SH2B3: variants seen among roughly 807,000 people sequenced by gnomAD.
SH2B3 encodes SH2B adaptor protein 3.
SH2B3 carries 43 observed loss-of-function variants against 51.9 expected under a neutral mutation model. The ratio of observed to expected loss-of-function variants is 0.83; its 90% CI spans 0.65 to 1.07. The LOEUF is 1.07. Ranked by LOEUF, SH2B3 falls within the 50% of genes least tolerant of loss-of-function variation. The probability of loss-of-function intolerance (pLI) is 0.00; values close to 1 mark genes in which losing one functional copy is unlikely to be tolerated. For synonymous variants in SH2B3, 396 were observed against 376.0 expected (o/e 1.05, Z -0.62); for missense variants, 952 against 834.3 (o/e 1.14, Z -1.74).
At chr12:111,442,431 G>T (rs907677398) in intron 2 of SH2B3, among the ~76,000 whole-genome samples, 1 of 152,212 alleles carries the variant, frequency 6.6e-6, no homozygotes, top group Non-Finnish European at 1.5e-5. Flanking sequence ...GGCGTGGCTG[G>T]TGCTGGAGGG....
chr12:111,449,148 TGGCAAGAACA>T lies in SH2B3; in HGVS notation c.*848_*857del, dbSNP rs1368781970. 2.0e-5 allele frequency: 3 copies of T among 152,586 alleles called. No homozygotes were observed. The highest frequency in any genetic ancestry group is 7.2e-5 in the African/African-American group (3 of 41,420). 9.5% of individuals were successfully genotyped at this position (152,586 alleles called of 1,614,324 possible). On this transcript the variant is annotated 3_prime_UTR_variant, in exon 8 of 8. Coordinates refer to ENST00000341259, the MANE Select transcript of SH2B3 (RefSeq NM_005475.3). ...TCAGGCAATTACTGAAATAGGAGGGTGGCAAGAACAGTTCTATCCTGGTGCCTTACGAATA... is the reference window on the plus strand; with the variant it reads ...TCAGGCAATTACTGAAATAGGAGGGTGTTCTATCCTGGTGCCTTACGAATA...
At chr12:111,440,063 C>T (rs1486368865) in intron 2 of SH2B3, among the ~76,000 whole-genome samples, 3 of 152,222 alleles carry the variant, frequency 2.0e-5, no homozygotes, top group African/African-American at 4.8e-5. Flanking sequence ...CTCTCTTGAC[C>T]TCCCTCAGAC....
At chr12:111,433,198 A>G (rs984647776) in intron 2 of SH2B3, among the ~76,000 whole-genome samples, 3 of 152,192 alleles carry the variant, frequency 2.0e-5, no homozygotes, top group African/African-American at 7.2e-5. Flanking sequence ...CTAAAAATCA[A>G]AAATTAGCTG....
At chr12:111,446,077 C>T (rs1873923398) in intron 2 of SH2B3, among the ~76,000 whole-genome samples, 1 of 152,240 alleles carries the variant, frequency 6.6e-6, no homozygotes, top group African/African-American at 2.4e-5. Context: ...ATCTCTTTCT[C>T]CCCTTTTCTT....
intron 2 of SH2B3, among the ~76,000 whole-genome samples, chr12:111,441,190 A>G (rs975748796): frequency 2.0e-5 from 3 of 152,038 alleles, no homozygotes; most frequent in African/African-American, 7.3e-5. Flanking sequence ...AGCCTGGACA[A>G]CATAGCGAGA....
At position 111,448,545 on chromosome 12, in the gene SH2B3, G is replaced by T; in HGVS notation, c.*243G>T. ...GATGTAGTTCTTGTTAGAGGATGCCGCTAGCTCCTGCCCGGGGTCCCTATG... is the reference window on the plus strand; with the variant it reads ...GATGTAGTTCTTGTTAGAGGATGCCTCTAGCTCCTGCCCGGGGTCCCTATG... On this transcript the variant is annotated 3_prime_UTR_variant, in exon 8 of 8. Coordinates refer to ENST00000341259, the MANE Select transcript of SH2B3 (RefSeq NM_005475.3). 2 of 510,502 alleles carry T rather than the reference G, an allele frequency of 3.9e-6. No homozygotes were observed. The highest frequency in any genetic ancestry group is 7.0e-6 in the Non-Finnish European group (2 of 287,492). The allele number at this position is 510,502 out of a possible 1,614,324, so 31.6% of individuals were successfully genotyped here.
In SH2B3 at chr12:111,409,228, C is replaced by A. The variant is rs1870484643; in HGVS notation, c.-28+2951C>A. 6.6e-6 allele frequency among the ~76,000 whole-genome samples: 1 copy of A among 152,178 alleles called. No homozygotes were observed. The highest frequency in any genetic ancestry group is 1.5e-5 in the Non-Finnish European group (1 of 68,042). ...GTGTGATCTTGGGCTGGTCCCTTAG[C>A]CTCTCTGAGCCACAGGTCTTTTTGT... On this transcript the variant is annotated intron_variant, in intron 1 of 7. Transcript: ENST00000341259. The surrounding 1 kb of genome is among the most constrained non-coding windows in gnomAD (Gnocchi z 4.0).
chr12:111,432,983 G>C (rs770621206), intron 2 of SH2B3, among the ~76,000 whole-genome samples: 4 of 152,242 alleles, frequency 2.6e-5, no homozygotes, highest in Non-Finnish European at 5.9e-5. Context: ...ACAAGTTTTT[G>C]TGTGGATCTG....
chr12:111,447,895 G>C, intron 7 of SH2B3, 68 bp downstream of exon 7: 2 of 1,566,806 alleles, frequency 1.3e-6, no homozygotes, highest in South Asian at 1.1e-5. Flanking sequence ...GCTTGCTGCA[G>C]ACCCAGGGGT....
chr12:111,432,425 T>G (rs570337633), intron 2 of SH2B3, among the ~76,000 whole-genome samples: 1 of 152,334 alleles, frequency 6.6e-6, no homozygotes, highest in African/African-American at 2.4e-5. Context: ...CTGATGATTT[T>G]CTTCTGCTCA....
At chr12:111,437,094 A>T (rs1455400308) in intron 2 of SH2B3, among the ~76,000 whole-genome samples, 1 of 152,108 alleles carries the variant, frequency 6.6e-6, no homozygotes, top group Non-Finnish European at 1.5e-5. Flanking sequence ...TCTGACTGGG[A>T]GAATTCCTCT....
At position 111,450,583 on chromosome 12, in the gene SH2B3, A is replaced by ATC. The variant is rs1874487527; in HGVS notation, c.*2286_*2287dup. Reference sequence around the variant, plus strand: ...ATTTCTTAGCAGCCTCTCTACATACATCTCTCAGGTGGTGCCAAGAGGCAC... The same window carrying ATC: ...ATTTCTTAGCAGCCTCTCTACATACATCTCTCTCAGGTGGTGCCAAGAGGCAC... On this transcript the variant is annotated 3_prime_UTR_variant, in exon 8 of 8. Transcript: ENST00000341259. 1 of 152,116 alleles carries ATC rather than the reference A, an allele frequency of 6.6e-6. No individual in the cohort carries two copies. Among genetic ancestry groups the ATC allele is most frequent in the Non-Finnish European group, 1.5e-5 (1 of 68,032 alleles). The allele number at this position is 152,116 out of a possible 1,614,324, so 9.4% of individuals were successfully genotyped here. A position where few individuals can be genotyped will look rare whatever the true frequency, so the allele number is the denominator to read the frequency against.
At position 111,410,652 on chromosome 12, in the gene SH2B3, C is replaced by A. The variant is rs1214096579; in HGVS notation, c.-28+4375C>A. On this transcript the variant is annotated intron_variant, in intron 1 of 7. Transcript: ENST00000341259. The surrounding 1 kb of genome is among the most constrained non-coding windows in gnomAD (Gnocchi z 4.9). Reference sequence around the variant, plus strand: ...TGGCCTGATAAATGTCCCCGGGGCACAAGGTGACCCCAGCAAGGGTGCATC... The same window carrying A: ...TGGCCTGATAAATGTCCCCGGGGCAAAAGGTGACCCCAGCAAGGGTGCATC... 2.0e-5 allele frequency among the ~76,000 whole-genome samples: 3 copies of A among 152,170 alleles called. No homozygotes were observed. Among genetic ancestry groups the A allele is most frequent in the Non-Finnish European group, 4.4e-5 (3 of 68,020 alleles).
chr12:111,447,606 T>G, intron 6 of SH2B3, 50 bp from the exon 7 acceptor site: 1 of 1,610,702 alleles, frequency 6.2e-7, no homozygotes, highest in Non-Finnish European at 8.5e-7. Flanking sequence ...TCCACTGGAG[T>G]TCAGGGTCCT....
In SH2B3 at chr12:111,429,015, CGAGGAGGAGGAGGAGGAG is replaced by C. The variant is rs142822757; in HGVS notation, c.732+10153_732+10170del. Among the ~76,000 whole-genome samples the C allele has an allele frequency of 8.7e-6, 1 of 114,904 alleles. No homozygotes were observed. The highest frequency in any genetic ancestry group is 1.8e-5 in the Non-Finnish European group (1 of 54,896). The allele number at this position is 114,904 out of a possible 152,430, so 75.4% of individuals were successfully genotyped here. A position where few individuals can be genotyped will look rare whatever the true frequency, so the allele number is the denominator to read the frequency against. On this transcript the variant is annotated intron_variant, in intron 2 of 7. Coordinates refer to ENST00000341259, the MANE Select transcript of SH2B3 (RefSeq NM_005475.3). This position sits in a 1 kb window ranked among gnomAD's most constrained non-coding sequence, Gnocchi z 4.4. ...GCGGTTTCCTCTCGGGGCAGGAGTG[CGAGGAGGAGGAGGAGGAG>C]GAGGAGGAGGAGGAAGAGGAGGAGG...
At chr12:111,417,492 T>TTTATTTATTTATTTATTTA (rs1593036008) in intron 1 of SH2B3, among the ~76,000 whole-genome samples, 4 of 88,854 alleles carry the variant, frequency 4.5e-5, no homozygotes, top group African/African-American at 2.1e-4. Flanking sequence ...TTATTTATTT[T>TTTATTTATTTATTTATTTA]TTGAGACAGA....
chr12:111,425,467 G>GGAAT (rs997492501), intron 2 of SH2B3, among the ~76,000 whole-genome samples: 1 of 152,232 alleles, frequency 6.6e-6, no homozygotes, highest in African/African-American at 2.4e-5. Flanking sequence ...CCCAGGCTGA[G>GGAAT]GAATGGCAGG....
rs1418814784 is a variant in SH2B3, at chr12:111,429,088, TC to T, written c.732+10212del. Among the ~76,000 whole-genome samples, 1 of 151,432 alleles carries T rather than the reference TC, an allele frequency of 6.6e-6. No homozygotes were observed. Among genetic ancestry groups the T allele is most frequent in the Non-Finnish European group, 1.5e-5 (1 of 67,720 alleles). ...GGAGGAGGGACGGCAGGAAGCCGCC[TC>T]GGGCTCTGACAGGCGCGGCCCTGGC... On this transcript the variant is annotated intron_variant, in intron 2 of 7. Transcript: ENST00000341259. This position sits in a 1 kb window ranked among gnomAD's most constrained non-coding sequence, Gnocchi z 4.4.
At chr12:111,413,175 G>C (rs1870831671) in intron 1 of SH2B3, among the ~76,000 whole-genome samples, 1 of 152,124 alleles carries the variant, frequency 6.6e-6, no homozygotes, top group Admixed American at 6.5e-5. Flanking sequence ...AGTAATCGTT[G>C]GACCTACCTC....
Sources: gnomAD v4.1 joint callset for allele counts (sites outside exome capture counted in the v4.1 genomes callset) on GRCh38, gnomAD v4.1.1 for gene constraint, Gnocchi (gnomAD v3.1) non-coding constraint, MANE v1.5 for transcripts, NCBI Gene and HGNC (gene_info 2026-07-23, HGNC 2026-07-21) for gene names.